TRHDE: variants seen among roughly 807,000 people sequenced by gnomAD.
TRHDE encodes thyrotropin-releasing hormone-degrading ectoenzyme.
A neutral mutation model predicts 125.7 loss-of-function variants in TRHDE; 72 were observed. The ratio of observed to expected loss-of-function variants is 0.57; its 90% CI spans 0.47 to 0.70. The LOEUF (loss-of-function observed/expected upper bound fraction) is 0.70, where lower values mean the gene tolerates loss of function less well. TRHDE is among the 30% of genes least tolerant of loss of function. The pLI, the probability that TRHDE is intolerant of heterozygous loss-of-function variation, is 0.00. For missense variants in TRHDE, 1,110 were observed against 1,327.1 expected (o/e 0.84, Z 2.54); for synonymous variants, 509 against 509.1 (o/e 1.00, Z 0.00).
chr12:72,513,322 A>G (rs531928686), intron 6 of TRHDE, among the ~76,000 whole-genome samples: 1 of 152,298 alleles, frequency 6.6e-6, no homozygotes, highest in East Asian at 1.9e-4. Context: ...CAGGGCAGAT[A>G]CAATTCTAGT....
intron 12 of TRHDE, among the ~76,000 whole-genome samples, chr12:72,608,352 A>G (rs1342217308): frequency 6.6e-6 from 1 of 152,198 alleles, no homozygotes; most frequent in African/African-American, 2.4e-5. Flanking sequence ...AAGATACTTT[A>G]TATCATTACC....
intron 2 of TRHDE, among the ~76,000 whole-genome samples, chr12:72,174,412 A>G (rs1022804270): frequency 6.6e-6 from 1 of 152,256 alleles, no homozygotes; most frequent in Non-Finnish European, 1.5e-5. Context: ...AATAGGAAAT[A>G]TAACATTAAC....
intron 12 of TRHDE, among the ~76,000 whole-genome samples, chr12:72,585,608 T>G (rs1871408158): frequency 6.6e-6 from 1 of 152,228 alleles, no homozygotes; most frequent in South Asian, 2.1e-4. Flanking sequence ...TACCTGGTTT[T>G]GCTTCTACTA....
chr12:72,115,464 G>A (rs1350435728), intron 2 of TRHDE, among the ~76,000 whole-genome samples: 1 of 152,006 alleles, frequency 6.6e-6, no homozygotes. Context: ...AGATGCTTAG[G>A]TTGCTTCCAA....
chr12:72,096,134 T>TACACACACACACACAC (rs144560604), intron 1 of TRHDE, among the ~76,000 whole-genome samples: 3,818 of 145,122 alleles, frequency 0.026, 83 homozygotes, highest in African/African-American at 0.062. Context: ...CTTATGTGTA[T>TACACACACACACACAC]ACACACACAC....
chr12:72,310,988 A>G (rs1868516253), intron 2 of TRHDE, among the ~76,000 whole-genome samples: 1 of 152,082 alleles, frequency 6.6e-6, no homozygotes, highest in Non-Finnish European at 1.5e-5. Flanking sequence ...TCCTTTTCCA[A>G]TTAGTTTTTA....
At chr12:72,214,682 C>T (rs1379073102) in intron 2 of TRHDE, among the ~76,000 whole-genome samples, 1 of 152,008 alleles carries the variant, frequency 6.6e-6, no homozygotes, top group Non-Finnish European at 1.5e-5. Context: ...AAATCAATGA[C>T]ACATAATGTT....
At chr12:72,188,891 C>G (rs1400241759) in intron 2 of TRHDE, among the ~76,000 whole-genome samples, 1 of 152,204 alleles carries the variant, frequency 6.6e-6, no homozygotes, top group Non-Finnish European at 1.5e-5. Context: ...ACCTACCCAG[C>G]TGCAAGAATC....
At chr12:72,521,198 T>G (rs1301283559) in intron 6 of TRHDE, among the ~76,000 whole-genome samples, 4 of 152,238 alleles carry the variant, frequency 2.6e-5, no homozygotes, top group Admixed American at 2.6e-4. Flanking sequence ...GAAATAACTT[T>G]CAGATGCAAT....
rs546769534 is a variant in TRHDE, at chr12:72,535,180, A to G, written c.1723-7111A>G. Among the ~76,000 whole-genome samples, 4 of 152,218 alleles carry G rather than the reference A, an allele frequency of 2.6e-5. No homozygotes were observed. In the East Asian group the frequency reaches 7.7e-4, roughly 29 times the overall value. ...TGAATTCTCAGAAAAATTTTGAAAT[A>G]GGTGTTCTTATTATTAAAGGTAGTA... On this transcript the variant is annotated intron_variant, in intron 6 of 18. Transcript: ENST00000261180.
chr12:72,337,501 C>A (rs1869881635), intron 2 of TRHDE, among the ~76,000 whole-genome samples: 2 of 152,102 alleles, frequency 1.3e-5, no homozygotes, highest in East Asian at 3.9e-4. Flanking sequence ...TAGTTTCTCC[C>A]CTTAATTATT....
rs11179126 is a variant in TRHDE, at chr12:72,238,339, T to A, written n.279+132587T>A. ...ATATATATACATATATATATACACA[T>A]TATATATATATATATATATATATAC... On this transcript the variant is annotated intron_variant and non_coding_transcript_variant, in intron 2 of 4. Transcript: ENST00000548156. Among the ~76,000 whole-genome samples, 14 of 21,160 alleles carry A rather than the reference T, an allele frequency of 6.6e-4. 2 individuals are homozygous for A. In the South Asian group the frequency reaches 0.015, roughly 22 times the overall value. The allele number at this position is 21,160 out of a possible 152,430, so 13.9% of individuals were successfully genotyped here.
chr12:72,669,994 G>C lies in TRHDE; in HGVS notation c.*6799G>C, dbSNP rs942503908. 2.0e-5 allele frequency: 3 copies of C among 151,638 alleles called. No homozygotes were observed. Among genetic ancestry groups the C allele is most frequent in the African/African-American group, 7.2e-5 (3 of 41,386 alleles). The allele number at this position is 151,638 out of a possible 1,614,324, so 9.4% of individuals were successfully genotyped here. A position where few individuals can be genotyped will look rare whatever the true frequency, so the allele number is the denominator to read the frequency against. ...GAACAATAAGAGAAATTCTATCTTT[G>C]AGCTTTCATAATTGGCTTTCTGGAC... On this transcript the variant is annotated 3_prime_UTR_variant, in exon 19 of 19. Coordinates refer to ENST00000261180, the MANE Select transcript of TRHDE (RefSeq NM_013381.3).
At chr12:72,410,848 T>G (rs1468898876) in intron 3 of TRHDE, among the ~76,000 whole-genome samples, 1 of 150,512 alleles carries the variant, frequency 6.6e-6, no homozygotes, top group South Asian at 2.1e-4. Context: ...ATGGGAAGCC[T>G]GACCCAAATA....
chr12:72,486,953 A>T (rs1488089233), intron 5 of TRHDE, among the ~76,000 whole-genome samples: 1 of 152,144 alleles, frequency 6.6e-6, no homozygotes, highest in Non-Finnish European at 1.5e-5. Flanking sequence ...AAACAAGAAG[A>T]GATAGATATT....
chr12:72,487,934 T>C (rs1394115541), intron 5 of TRHDE, among the ~76,000 whole-genome samples: 2 of 152,102 alleles, frequency 1.3e-5, no homozygotes, highest in African/African-American at 4.8e-5. Flanking sequence ...AGAAGTTAAG[T>C]TGTTATCAGC....
rs140645457 is a variant in TRHDE at position 72,275,353 on chromosome 12, A to G, written c.914+1796A>G. On this transcript the variant is annotated intron_variant, in intron 1 of 18. Coordinates refer to ENST00000261180, the MANE Select transcript of TRHDE (RefSeq NM_013381.3). Reference sequence around the variant, plus strand: ...AAATGCCCAATGCTTTAGTAGCTGTATGATAGTTAAAACCTCCTATAAGTG... The same window carrying G: ...AAATGCCCAATGCTTTAGTAGCTGTGTGATAGTTAAAACCTCCTATAAGTG... 1.1e-3 allele frequency among the ~76,000 whole-genome samples: 168 copies of G among 152,346 alleles called. 1 individual carries two copies. The highest frequency in any genetic ancestry group is 4.0e-3 in the African/African-American group (165 of 41,582).
chr12:72,312,863 T>G (rs1868612618), intron 2 of TRHDE, among the ~76,000 whole-genome samples: 1 of 152,182 alleles, frequency 6.6e-6, no homozygotes, highest in African/African-American at 2.4e-5. Context: ...CCTCCCTCTT[T>G]CTTACTGCAT....
At chr12:72,357,262 T>G (rs1337747448) in intron 2 of TRHDE, among the ~76,000 whole-genome samples, 1 of 151,496 alleles carries the variant, frequency 6.6e-6, no homozygotes, top group Non-Finnish European at 1.5e-5. Context: ...CTTACAAAAT[T>G]CATCAATTAC....
Sources: gnomAD v4.1 joint callset for allele counts (sites outside exome capture counted in the v4.1 genomes callset) on GRCh38, gnomAD v4.1.1 for gene constraint, MANE v1.5 for transcripts, NCBI Gene and HGNC (gene_info 2026-07-23, HGNC 2026-07-21) for gene names.